The following PGM2 variants were observed in gnomAD, a reference collection of about 807,000 sequenced individuals.
PGM2 encodes the protein phosphoglucomutase 2.
PGM2 carries 57 observed loss-of-function variants against 74.6 expected under a neutral mutation model. The observed-to-expected ratio is 0.76, with a 90% CI of 0.62 to 0.95. The LOEUF (loss-of-function observed/expected upper bound fraction) is 0.95. Among genes scored for constraint, PGM2 ranks in the 40% least tolerant of loss-of-function variants. The probability of loss-of-function intolerance (pLI) is 0.00; values close to 1 mark genes in which losing one functional copy is unlikely to be tolerated. For missense variants in PGM2, 706 were observed against 741.9 expected (o/e 0.95, Z 0.56); for synonymous variants, 273 against 260.7 (o/e 1.05, Z -0.46).
At chr4:37,854,743 ATC>A (rs1239889192) in intron 12 of PGM2, among the ~76,000 whole-genome samples, 1 of 151,782 alleles carries the variant, frequency 6.6e-6, no homozygotes, top group Non-Finnish European at 1.5e-5. Flanking sequence ...AGTAAATATA[ATC>A]TAGTTTGAGG....
chr4:37,845,546 G>A, intron 7 of PGM2, 87 bp from the exon 8 acceptor site: 1 of 888,050 alleles, frequency 1.1e-6, no homozygotes, highest in Non-Finnish European at 1.9e-6. Context: ...AAGACCTCTT[G>A]AGTTCTTAAG....
At chr4:37,857,597 C>T (rs1323147039) in intron 13 of PGM2, among the ~76,000 whole-genome samples, 3 of 152,114 alleles carry the variant, frequency 2.0e-5, no homozygotes, top group Non-Finnish European at 4.4e-5. Flanking sequence ...CAAGTGAGCC[C>T]AGAATACAGC....
chr4:37,841,100 A>ATATATATATATGTGTGTGTG (rs1202149456), intron 6 of PGM2, among the ~76,000 whole-genome samples: 3 of 115,786 alleles, frequency 2.6e-5, no homozygotes, highest in African/African-American at 1.1e-4. Context: ...ATATATATAT[A>ATATATATATATGTGTGTGTG]TGTGTGTGTG....
In PGM2 at chr4:37,834,713, T is replaced by A; in HGVS notation, c.345T>A (p.Gly115=). The part of the protein sequence containing the change: ...FDARAHPSSG[G]SSRRFARLAA... ...CCCGAGCTCATCCATCCAGTGGGGGTAGCAGCAGAAGGTATTTAAACATTT... is the reference window on the plus strand; with the variant it reads ...CCCGAGCTCATCCATCCAGTGGGGGAAGCAGCAGAAGGTATTTAAACATTT... The change falls in exon 3 of 14, where the codon GGT becomes GGA. Residue 115 remains glycine, a synonymous_variant. Coordinates refer to ENST00000381967, the MANE Select transcript of PGM2 (RefSeq NM_018290.4). The A allele has an allele frequency of 6.8e-7, 1 of 1,477,670 alleles. No individual in the cohort carries two copies. The highest frequency in any genetic ancestry group is 9.4e-7 in the Non-Finnish European group (1 of 1,062,756). 91.5% of individuals were successfully genotyped at this position (1,477,670 alleles called of 1,614,324 possible).
chr4:37,841,380 G>A (rs1560415468), intron 6 of PGM2, among the ~76,000 whole-genome samples: 2 of 151,892 alleles, frequency 1.3e-5, no homozygotes, highest in Admixed American at 1.3e-4. Flanking sequence ...TGAGTATGCT[G>A]TAGGTCCCAC....
intron 2 of PGM2, among the ~76,000 whole-genome samples, chr4:37,831,571 G>T (rs1452394852): frequency 6.6e-6 from 1 of 152,090 alleles, no homozygotes; most frequent in Admixed American, 6.6e-5. Context: ...ATTATTACTG[G>T]CTATTGGCTG....
At chr4:37,834,436 G>A (rs1725512368) in intron 2 of PGM2, among the ~76,000 whole-genome samples, 182 bp from the exon 3 acceptor site, 1 of 152,020 alleles carries the variant, frequency 6.6e-6, no homozygotes, top group Non-Finnish European at 1.5e-5. Context: ...CAAAAACATA[G>A]ATAATAAACA....
At chr4:37,858,940 A>G (rs1486220661) in intron 13 of PGM2, among the ~76,000 whole-genome samples, 1 of 152,152 alleles carries the variant, frequency 6.6e-6, no homozygotes, top group African/African-American at 2.4e-5. Flanking sequence ...CTTTGTATGT[A>G]AAGAGCCAGA....
chr4:37,849,492 A>T (rs1218397446), intron 11 of PGM2, among the ~76,000 whole-genome samples: 1 of 138,708 alleles, frequency 7.2e-6, no homozygotes, highest in Non-Finnish European at 1.5e-5. Context: ...GCTTACTGCA[A>T]CCTCTGCCTC....
chr4:37,841,098 A>ATGTGTG (rs66836878), intron 6 of PGM2, among the ~76,000 whole-genome samples: 114 of 114,838 alleles, frequency 9.9e-4, no homozygotes, highest in African/African-American at 3.4e-3. Flanking sequence ...ATATATATAT[A>ATGTGTG]TATGTGTGTG....
At chr4:37,858,458 T>C (rs1711631526) in intron 13 of PGM2, among the ~76,000 whole-genome samples, 1 of 151,700 alleles carries the variant, frequency 6.6e-6, no homozygotes, top group Non-Finnish European at 1.5e-5. Flanking sequence ...TGCCTCAGCC[T>C]CCTGAGTAGC....
At position 37,843,089 on chromosome 4, in the gene PGM2, G is replaced by A. The variant is rs566199080; in HGVS notation, c.720-1275G>A. ...CCAGCAGTCACACAGCTTATAGATGGCAAAGCTCCAGGATTTAAATTCAGA... is the reference window on the plus strand; with the variant it reads ...CCAGCAGTCACACAGCTTATAGATGACAAAGCTCCAGGATTTAAATTCAGA... On this transcript the variant is annotated intron_variant, in intron 6 of 13. Transcript: ENST00000381967. Among the ~76,000 whole-genome samples, 9 of 152,282 alleles carry A rather than the reference G, an allele frequency of 5.9e-5. No individual in the cohort carries two copies. The South Asian group carries it at 1.4e-3, about 25-fold the overall frequency.
chr4:37,854,426 C>T (rs750208701), intron 12 of PGM2, among the ~76,000 whole-genome samples: 1 of 152,064 alleles, frequency 6.6e-6, no homozygotes, highest in Non-Finnish European at 1.5e-5. Context: ...TCTCGGCTCA[C>T]TGCAACCTCC....
At position 37,834,620 on chromosome 4, in the gene PGM2, A is replaced by AT; in HGVS notation, c.256dup (p.Cys86LeufsTer10). 1 of 1,489,978 alleles carries AT rather than the reference A, an allele frequency of 6.7e-7. No individual in the cohort carries two copies. Among genetic ancestry groups the AT allele is most frequent in the Non-Finnish European group, 9.3e-7 (1 of 1,070,912 alleles). The allele number at this position is 1,489,978 out of a possible 1,614,324, so 92.3% of individuals were successfully genotyped here. ...TTAAATCTATGGTGTATTTGTAGGGATTTTGCAGATACCTGGAAAAACAAT... is the reference window on the plus strand; with the variant it reads ...TTAAATCTATGGTGTATTTGTAGGGATTTTTGCAGATACCTGGAAAAACAAT... On this transcript the variant is annotated frameshift_variant, in exon 3 of 14. Transcript: ENST00000381967. LOFTEE classifies it high-confidence loss of function.
At position 37,826,708 on chromosome 4, in the gene PGM2, C is replaced by G. The variant is rs1472776770; in HGVS notation, c.-25C>G. On this transcript the variant is annotated 5_prime_UTR_variant, in exon 1 of 14. Coordinates refer to ENST00000381967, the MANE Select transcript of PGM2 (RefSeq NM_018290.4). Reference sequence around the variant, plus strand: ...GGCAGATCTCACCGCCTGCTTCCCTCTGCAGCGGTAGCACAAGCTCAGCGA... The same window carrying G: ...GGCAGATCTCACCGCCTGCTTCCCTGTGCAGCGGTAGCACAAGCTCAGCGA... The G allele has an allele frequency of 6.5e-7, 1 of 1,536,802 alleles. No individual in the cohort carries two copies. Among genetic ancestry groups the G allele is most frequent in the Non-Finnish European group, 8.8e-7 (1 of 1,134,382 alleles).
At chr4:37,858,080 T>TTA (rs1309550491) in intron 13 of PGM2, among the ~76,000 whole-genome samples, 3 of 152,198 alleles carry the variant, frequency 2.0e-5, no homozygotes, top group Non-Finnish European at 4.4e-5. Context: ...TTTGTAATGA[T>TTA]AACACTATTT....
chr4:37,842,477 T>C (rs1457890878), intron 6 of PGM2, among the ~76,000 whole-genome samples: 1 of 151,828 alleles, frequency 6.6e-6, no homozygotes, highest in Admixed American at 6.6e-5. Context: ...ATATGGGGCA[T>C]GAAGTAGGAA....
chr4:37,845,174 T>A (rs1159213160), intron 7 of PGM2, among the ~76,000 whole-genome samples: 1 of 152,184 alleles, frequency 6.6e-6, no homozygotes, highest in South Asian at 2.1e-4. Context: ...AGTGAAACTT[T>A]AGCAGGTTAT....
Position 37,837,524 on chromosome 4 carries a change from C to T in PGM2, c.357-5C>T, listed in dbSNP as rs1229535894. 6.3e-7 allele frequency: 1 copy of T among 1,595,582 alleles called. No homozygotes were observed. Among genetic ancestry groups the T allele is most frequent in the Admixed American group, 1.7e-5 (1 of 60,006 alleles). The stretch of plus-strand genomic sequence containing the variant: ...CTTTTCTTCCCTGTCACTCTGCATT[C>T]TCAGGTTTGCCCGACTTGCTGCAAC... On this transcript the variant is annotated splice_region_variant and splice_polypyrimidine_tract_variant and intron_variant, in intron 3 of 13. Transcript: ENST00000381967.
Sources: gnomAD v4.1 joint callset for allele counts (sites outside exome capture counted in the v4.1 genomes callset) on GRCh38, gnomAD v4.1.1 for gene constraint, MANE v1.5 for transcripts, NCBI Gene and HGNC (gene_info 2026-07-23, HGNC 2026-07-21) for gene names.